MINDY4: variants seen among roughly 807,000 people sequenced by gnomAD.
The protein encoded by MINDY4 is probable ubiquitin carboxyl-terminal hydrolase MINDY-4.
Under a neutral mutation model 87.0 loss-of-function variants are expected in MINDY4, and 68 were observed. That is an observed-to-expected ratio of 0.78 (90% CI 0.64 to 0.96). The LOEUF is 0.96. Among genes scored for constraint, MINDY4 ranks in the 40% least tolerant of loss-of-function variants. The pLI is 0.00. For missense variants in MINDY4, 919 were observed against 928.2 expected (o/e 0.99, Z 0.13); for synonymous variants, 379 against 363.2 (o/e 1.04, Z -0.50).
At chr7:30,834,714 C>A (rs1330667151) in intron 6 of MINDY4, among the ~76,000 whole-genome samples, 4 of 152,146 alleles carry the variant, frequency 2.6e-5, no homozygotes, top group African/African-American at 7.2e-5. Context: ...AAACTGGATG[C>A]CTTTAACAGC....
chr7:30,778,671 G>C (rs767240502), intron 2 of MINDY4, 120 bp downstream of exon 2: 2 of 1,234,852 alleles, frequency 1.6e-6, no homozygotes, highest in Non-Finnish European at 2.3e-6. Flanking sequence ...TCACACTTGC[G>C]GTCAGAGAGA....
At chr7:30,872,164 G>A in intron 13 of MINDY4, 79 bp from the exon 14 acceptor site, 1 of 1,326,414 alleles carries the variant, frequency 7.5e-7, no homozygotes, top group Non-Finnish European at 1.1e-6. Context: ...GGAACCTAAG[G>A]GGAGCGCCTG....
intron 6 of MINDY4, among the ~76,000 whole-genome samples, chr7:30,836,159 A>G (rs1240900539): frequency 6.6e-6 from 1 of 152,256 alleles, no homozygotes; most frequent in African/African-American, 2.4e-5. Context: ...CAGTCAATAA[A>G]TGCAAGTTAC....
chr7:30,839,229 C>T lies in MINDY4; in HGVS notation c.1269C>T (p.Ser423=). The T allele has an allele frequency of 6.2e-7, 1 of 1,610,408 alleles. No individual in the cohort carries two copies. The highest frequency in any genetic ancestry group is 8.5e-7 in the Non-Finnish European group (1 of 1,178,948). Residue 423 remains serine (S), a synonymous_variant, in exon 8 of 18, where the codon AGC becomes AGT. Coordinates refer to ENST00000265299, the MANE Select transcript of MINDY4 (RefSeq NM_032222.3). ...TAAAGACCCTTCTGTTTGGTTCCAG[C>T]TTTTGCTGTTTCAATGAAGAATGGA... ...KEIKTLLFGS[S]FCCFNEEWKL... is the part of the protein sequence containing the mutation.
At chr7:30,868,081 C>A (rs1354867154) in intron 13 of MINDY4, among the ~76,000 whole-genome samples, 1 of 152,224 alleles carries the variant, frequency 6.6e-6, no homozygotes. Context: ...GCCACTTGGA[C>A]TTACTTTCCT....
intron 5 of MINDY4, among the ~76,000 whole-genome samples, chr7:30,808,675 G>C (rs1787890503): frequency 6.6e-6 from 1 of 152,164 alleles, no homozygotes; most frequent in African/African-American, 2.4e-5. Flanking sequence ...CAGCATTAGA[G>C]GTGGTTTGGC....
intron 12 of MINDY4, among the ~76,000 whole-genome samples, chr7:30,856,056 T>A (rs1463301105): frequency 6.6e-6 from 1 of 152,196 alleles, no homozygotes; most frequent in Admixed American, 6.5e-5. Context: ...GCTCACCCTC[T>A]GGGCAAGGTG....
At chr7:30,849,404 T>C (rs1650097360) in intron 9 of MINDY4, among the ~76,000 whole-genome samples, 1 of 152,166 alleles carries the variant, frequency 6.6e-6, no homozygotes, top group Admixed American at 6.5e-5. Context: ...AAGAGAAGCC[T>C]AGAAGTACAC....
intron 7 of MINDY4, among the ~76,000 whole-genome samples, chr7:30,837,773 G>A (rs1206367099): frequency 6.6e-6 from 1 of 152,134 alleles, no homozygotes; most frequent in African/African-American, 2.4e-5. Context: ...AAAACAGGAG[G>A]GCCCAGGGCA....
chr7:30,837,150 G>T (rs2128566178), intron 7 of MINDY4, among the ~76,000 whole-genome samples: 1 of 152,226 alleles, frequency 6.6e-6, no homozygotes, highest in South Asian at 2.1e-4. Flanking sequence ...GTGAAGGAAG[G>T]ACAGGGAGGT....
intron 4 of MINDY4, among the ~76,000 whole-genome samples, chr7:30,789,357 A>G (rs1300309076): frequency 2.6e-5 from 4 of 152,180 alleles, no homozygotes; most frequent in Non-Finnish European, 5.9e-5. Context: ...AAACCCACAA[A>G]GGATGTTGAA....
At chr7:30,832,077 G>A (rs1331437665) in intron 6 of MINDY4, among the ~76,000 whole-genome samples, 1 of 152,114 alleles carries the variant, frequency 6.6e-6, no homozygotes, top group Non-Finnish European at 1.5e-5. Flanking sequence ...CTGCACTTGG[G>A]CCAATTCCTC....
At chr7:30,857,820 TC>T (rs1789624893) in intron 12 of MINDY4, 2 of 152,292 alleles carry the variant, frequency 1.3e-5, no homozygotes, top group African/African-American at 4.8e-5. Context: ...ACCAATACAA[TC>T]TTTTTAAAAA....
chr7:30,778,714 C>T (rs117450876), intron 2 of MINDY4, among the ~76,000 whole-genome samples, 163 bp downstream of exon 2: 3,043 of 152,202 alleles, frequency 0.02, 50 homozygotes, highest in East Asian at 0.037. Flanking sequence ...AGATCCCCAG[C>T]GGGAGTGGGT....
chr7:30,795,002 C>A lies in MINDY4; in HGVS notation c.1073+3428C>A, dbSNP rs532426557. ...TGGGAGAGGAAATTTTTACTTACAACCCCCCAGGGCTAGGTCTTCCAAGCC... is the reference window on the plus strand; with the variant it reads ...TGGGAGAGGAAATTTTTACTTACAAACCCCCAGGGCTAGGTCTTCCAAGCC... On this transcript the variant is annotated intron_variant, in intron 5 of 17. Coordinates refer to ENST00000265299, the MANE Select transcript of MINDY4 (RefSeq NM_032222.3). Among the ~76,000 whole-genome samples the A allele has an allele frequency of 7.9e-5, 12 of 152,170 alleles. No homozygotes were observed. The South Asian group carries it at 2.5e-3, about 32-fold the overall frequency.
At chr7:30,783,229 C>A (rs545631098) in intron 3 of MINDY4, among the ~76,000 whole-genome samples, 7 of 152,032 alleles carry the variant, frequency 4.6e-5, no homozygotes, top group African/African-American at 1.4e-4. Flanking sequence ...GACTCTTGGC[C>A]CCTTCTTCCA....
intron 6 of MINDY4, among the ~76,000 whole-genome samples, chr7:30,832,075 G>A (rs1788721784): frequency 6.6e-6 from 1 of 152,064 alleles, no homozygotes; most frequent in African/African-American, 2.4e-5. Flanking sequence ...CCCTGCACTT[G>A]GGCCAATTCC....
In MINDY4 at chr7:30,785,997, G is replaced by A. The variant is rs1019366557; in HGVS notation, c.663+5G>A. The stretch of plus-strand genomic sequence containing the variant: ...CCCATCGCCAGCTCCCCACAGGTGG[G>A]GCTGTTGCTCTTTCTGTTGTTATGG... On this transcript the variant is annotated splice_donor_5th_base_variant and intron_variant, in intron 4 of 17. Transcript: ENST00000265299. 6.2e-7 allele frequency: 1 copy of A among 1,613,704 alleles called. No individual in the cohort carries two copies. The highest frequency in any genetic ancestry group is 8.5e-7 in the Non-Finnish European group (1 of 1,179,840).
chr7:30,868,665 C>G (rs1474585774), intron 13 of MINDY4, among the ~76,000 whole-genome samples: 1 of 152,244 alleles, frequency 6.6e-6, no homozygotes, highest in African/African-American at 2.4e-5. Context: ...CTCTCCCAGC[C>G]CTGATATCCC....
Sources: gnomAD v4.1 joint callset for allele counts (sites outside exome capture counted in the v4.1 genomes callset) on GRCh38, gnomAD v4.1.1 for gene constraint, MANE v1.5 for transcripts, NCBI Gene and HGNC (gene_info 2026-07-23, HGNC 2026-07-21) for gene names.